Variants in PDE4D observed in about 807,000 individuals in gnomAD.
PDE4D encodes phosphodiesterase 4D, also known as 3',5'-cyclic-AMP phosphodiesterase 4D.
PDE4D carries 24 observed loss-of-function variants against 87.4 expected under a neutral mutation model. That is an observed-to-expected ratio of 0.27 (90% CI 0.20 to 0.39). The LOEUF is 0.39. Ranked by LOEUF, PDE4D falls within the 10% of genes least tolerant of loss-of-function variation. The pLI, the probability that PDE4D is intolerant of heterozygous loss-of-function variation, is 1.00. For synonymous variants in PDE4D, 384 were observed against 383.2 expected (o/e 1.00, Z -0.02); for missense variants, 714 against 1,041.0 (o/e 0.69, Z 4.32).
chr5:59,605,333 ATATAAG>A (rs1270055073), intron 1 of PDE4D, among the ~76,000 whole-genome samples: 1 of 151,544 alleles, frequency 6.6e-6, no homozygotes, highest in Non-Finnish European at 1.5e-5. Flanking sequence ...AACTTTCCAA[ATATAAG>A]TATTTCTTAT....
intron 2 of PDE4D, among the ~76,000 whole-genome samples, chr5:59,203,622 T>TATACACAC (rs1554097272): frequency 4.7e-5 from 7 of 150,010 alleles, no homozygotes; most frequent in Non-Finnish European, 1.0e-4. Flanking sequence ...GAAAATGTTA[T>TATACACAC]ATACACACAC....
At chr5:59,881,251 G>T (rs1332741040) in intron 1 of PDE4D, among the ~76,000 whole-genome samples, 2 of 152,154 alleles carry the variant, frequency 1.3e-5, no homozygotes, top group Non-Finnish European at 2.9e-5. Context: ...AATTGAGCCA[G>T]AGTATTTATA....
At chr5:59,076,079 G>T (rs1434799326) in intron 5 of PDE4D, among the ~76,000 whole-genome samples, 1 of 152,114 alleles carries the variant, frequency 6.6e-6, no homozygotes, top group East Asian at 1.9e-4. Flanking sequence ...AGAGACAAAA[G>T]AATACTATAG....
chr5:59,100,615 G>C (rs1580795153), intron 5 of PDE4D, among the ~76,000 whole-genome samples: 1 of 152,272 alleles, frequency 6.6e-6, no homozygotes, highest in East Asian at 1.9e-4. Flanking sequence ...GTGAATACAG[G>C]TTCTGATGCA....
chr5:59,181,324 A>G (rs1250134742), intron 4 of PDE4D, among the ~76,000 whole-genome samples: 1 of 151,834 alleles, frequency 6.6e-6, no homozygotes, highest in Non-Finnish European at 1.5e-5. Context: ...GAAGTAAAAA[A>G]AAAAAGCATG....
intron 1 of PDE4D, among the ~76,000 whole-genome samples, chr5:59,864,902 C>A (rs564048452): frequency 6.6e-6 from 1 of 152,110 alleles, no homozygotes; most frequent in African/African-American, 2.4e-5. Flanking sequence ...ACTCAGAGCA[C>A]GGTAGGATGC....
chr5:60,257,416 C>G (rs1176850908), intron 1 of PDE4D, among the ~76,000 whole-genome samples: 1 of 151,858 alleles, frequency 6.6e-6, no homozygotes, highest in Non-Finnish European at 1.5e-5. Context: ...GCGGCGATAT[C>G]TGAACTATTT....
At chr5:59,370,156 A>T (rs973974483) in intron 1 of PDE4D, among the ~76,000 whole-genome samples, 2 of 152,178 alleles carry the variant, frequency 1.3e-5, no homozygotes, top group Non-Finnish European at 2.9e-5. Flanking sequence ...CAGTGGCGTC[A>T]TAACCATTTT....
At chr5:59,866,094 TCA>T (rs1746989212) in intron 1 of PDE4D, among the ~76,000 whole-genome samples, 1 of 152,246 alleles carries the variant, frequency 6.6e-6, no homozygotes, top group Non-Finnish European at 1.5e-5. Flanking sequence ...AGTTCTAGTT[TCA>T]GTCTCTACTA....
chr5:59,328,979 G>C (rs951300918), intron 1 of PDE4D, among the ~76,000 whole-genome samples: 19 of 152,204 alleles, frequency 1.2e-4, no homozygotes, highest in African/African-American at 4.3e-4. Context: ...CTGCCCCTTT[G>C]TTGTGGTGGG....
intron 3 of PDE4D, chr5:59,987,311 T>C (rs1444183811): frequency 6.6e-6 from 1 of 152,226 alleles, no homozygotes; most frequent in Non-Finnish European, 1.5e-5. Flanking sequence ...ATGAGTCTGA[T>C]CAATGTGTGT....
At chr5:60,167,012 A>T (rs952562440) in intron 2 of PDE4D, among the ~76,000 whole-genome samples, 1 of 152,094 alleles carries the variant, frequency 6.6e-6, no homozygotes, top group Non-Finnish European at 1.5e-5. Flanking sequence ...ATTTTATCGT[A>T]ATATGTATTG....
rs529860930 is a variant in PDE4D at position 60,397,264 on chromosome 5, C to A, written c.-90+90678G>T. 3.9e-5 allele frequency among the ~76,000 whole-genome samples: 6 copies of A among 152,238 alleles called. No individual in the cohort carries two copies. The East Asian group carries it at 1.2e-3, about 29-fold the overall frequency. Reference sequence around the variant, plus strand: ...TCTCAAAAAATTAAAAATAGAACTACCATATGATCCAGGAATCCCATGACT... The same window carrying A: ...TCTCAAAAAATTAAAAATAGAACTAACATATGATCCAGGAATCCCATGACT... On this transcript the variant is annotated intron_variant, in intron 1 of 16. Transcript: ENST00000502484.
intron 2 of PDE4D, among the ~76,000 whole-genome samples, chr5:60,059,688 A>T (rs1380754535): frequency 1.3e-5 from 2 of 152,038 alleles, no homozygotes; most frequent in African/African-American, 4.8e-5. Context: ...CAGGAGTGAC[A>T]TGGGGAACTG....
chr5:60,453,810 A>G (rs1746267759), intron 1 of PDE4D, among the ~76,000 whole-genome samples: 1 of 152,078 alleles, frequency 6.6e-6, no homozygotes, highest in African/African-American at 2.4e-5. Flanking sequence ...CTTACTGGCA[A>G]TTTCTAAGCT....
At chr5:60,428,213 G>T (rs189363039) in intron 1 of PDE4D, among the ~76,000 whole-genome samples, 1 of 152,124 alleles carries the variant, frequency 6.6e-6, no homozygotes, top group Non-Finnish European at 1.5e-5. Context: ...ATGCATAGGG[G>T]CTGCATATTT....
intron 1 of PDE4D, among the ~76,000 whole-genome samples, chr5:60,408,165 C>T (rs1741733841): frequency 6.6e-6 from 1 of 152,184 alleles, no homozygotes; most frequent in African/African-American, 2.4e-5. Context: ...CAAGTCTGCA[C>T]AGCTGGAGCA....
intron 1 of PDE4D, among the ~76,000 whole-genome samples, chr5:59,311,986 C>G (rs1228637958): frequency 1.3e-5 from 2 of 152,140 alleles, no homozygotes; most frequent in African/African-American, 4.8e-5. Context: ...AAACTACCTC[C>G]TCCTTTGGAG....
At chr5:59,838,791 T>G (rs1206095498) in intron 1 of PDE4D, among the ~76,000 whole-genome samples, 3 of 151,990 alleles carry the variant, frequency 2.0e-5, no homozygotes, top group Admixed American at 2.0e-4. Flanking sequence ...CAGTCACATA[T>G]GTTGGTGCAT....
Sources: allele counts gnomAD v4.1 joint callset (sites outside exome capture counted in the v4.1 genomes callset), GRCh38; gene constraint gnomAD v4.1.1; transcripts MANE v1.5; gene names NCBI Gene and HGNC (gene_info 2026-07-23, HGNC 2026-07-21).